The following GLIS3 variants were observed in gnomAD, a reference collection of about 807,000 sequenced individuals.
GLIS3 encodes GLIS family zinc finger 3.
GLIS3 carries 53 observed loss-of-function variants against 78.6 expected under a neutral mutation model. The observed-to-expected ratio is 0.67, with a 90% CI of 0.54 to 0.85. GLIS3 has a LOEUF of 0.85. Ranked by LOEUF, GLIS3 falls within the 40% of genes least tolerant of loss-of-function variation. GLIS3 has a pLI of 0.00. For missense variants in GLIS3, 1,703 were observed against 1,231.1 expected, an observed-to-expected ratio of 1.38 and a Z score of -5.74; for synonymous variants, 684 against 509.9, an observed-to-expected ratio of 1.34 and a Z score of -4.60.
chr9:4,379,140 G>C, the GLIS3 span, among the ~76,000 whole-genome samples: 1 of 152,116 alleles, frequency 6.6e-6, no homozygotes, highest in African/African-American at 2.4e-5. Flanking sequence ...CGGATATGTT[G>C]TCCAGCGCCC....
At chr9:4,459,453 A>G in the GLIS3 span, among the ~76,000 whole-genome samples, 2 of 152,224 alleles carry the variant, frequency 1.3e-5, no homozygotes, top group South Asian at 2.1e-4. Context: ...GTGGTATCCC[A>G]GAAAGCAGAT....
intron 2 of GLIS3, among the ~76,000 whole-genome samples, chr9:4,182,708 T>C (rs771416066): frequency 6.6e-5 from 10 of 152,164 alleles, no homozygotes; most frequent in South Asian, 4.1e-4. Context: ...CAAGATAATA[T>C]ATGAGATCAT....
rs35772221 is a variant in GLIS3 at position 3,962,944 on chromosome 9, T to A, written c.1711-25755A>T. Among the ~76,000 whole-genome samples, 716 of 89,236 alleles carry A rather than the reference T, an allele frequency of 8.0e-3. 5 individuals are homozygous for A. Among genetic ancestry groups the A allele is most frequent in the Middle Eastern group, 0.039 (6 of 154 alleles). 58.5% of individuals were successfully genotyped at this position (89,236 alleles called of 152,430 possible). ...ATGTCCAACAAGATCTGCTGTGATTTAAGGGGGGGGGGGGGAGAGAGATTT... is the reference window on the plus strand; with the variant it reads ...ATGTCCAACAAGATCTGCTGTGATTAAAGGGGGGGGGGGGGAGAGAGATTT... On this transcript the variant is annotated intron_variant, in intron 4 of 10. Transcript: ENST00000381971.
At chr9:4,245,372 G>T (rs944985491) in intron 2 of GLIS3, among the ~76,000 whole-genome samples, 5 of 152,100 alleles carry the variant, frequency 3.3e-5, no homozygotes, top group African/African-American at 9.7e-5. Context: ...CCCAAATTCG[G>T]GTGCGAACTC....
rs190964489 is a variant in GLIS3 at position 4,064,640 on chromosome 9, A to T, written c.1710+53128T>A. On this transcript the variant is annotated intron_variant, in intron 4 of 10. Coordinates refer to ENST00000381971, the MANE Select transcript of GLIS3 (RefSeq NM_001042413.2). Reference sequence around the variant, plus strand: ...CCTTGTGTCTACTAAAAATATTATTAAAAAAATGCCTGGTGTTGTGGCGCA... The same window carrying T: ...CCTTGTGTCTACTAAAAATATTATTTAAAAAATGCCTGGTGTTGTGGCGCA... 3.7e-3 allele frequency among the ~76,000 whole-genome samples: 562 copies of T among 152,208 alleles called. 1 individual carries two copies. The highest frequency in any genetic ancestry group is 0.012 in the African/African-American group (508 of 41,542).
rs918151611 is a variant in GLIS3, at chr9:4,322,805, A to G, written n.265-12277T>C. Among the ~76,000 whole-genome samples the G allele has an allele frequency of 3.9e-5, 6 of 152,252 alleles. No homozygotes were observed. The South Asian group carries it at 1.0e-3, about 26-fold the overall frequency. The stretch of plus-strand genomic sequence containing the variant: ...TGTTTAAGTTCTTTGTAGATTTTGA[A>G]TATTAGCCCTGTGTCAGATGGGTAG... On this transcript the variant is annotated intron_variant and non_coding_transcript_variant, in intron 2 of 4. Transcript: ENST00000471664.
intron 2 of GLIS3, among the ~76,000 whole-genome samples, chr9:4,264,921 C>A (rs541403492): frequency 6.6e-6 from 1 of 151,876 alleles, no homozygotes; most frequent in African/African-American, 2.4e-5. Flanking sequence ...AATCCCAGCA[C>A]GGTGGGATGC....
intron 9 of GLIS3, among the ~76,000 whole-genome samples, chr9:3,852,681 A>G (rs372704202): frequency 1.7e-4 from 26 of 152,302 alleles, no homozygotes; most frequent in African/African-American, 5.5e-4. Context: ...ATTTCAGAAA[A>G]TGCTTGGAGA....
chr9:4,198,267 A>G (rs34493474), intron 2 of GLIS3, among the ~76,000 whole-genome samples: 15,009 of 152,282 alleles, frequency 0.099, 921 homozygotes, highest in Middle Eastern at 0.17. Flanking sequence ...TTGTAAGGCA[A>G]TCCAGGAAAT....
the GLIS3 span, among the ~76,000 whole-genome samples, chr9:4,448,981 C>T: frequency 6.6e-6 from 1 of 151,942 alleles, no homozygotes; most frequent in African/African-American, 2.4e-5. Context: ...ACAGTGGGTG[C>T]AGCCTATGGA....
chr9:4,076,470 TTTTC>T (rs1828063848), intron 4 of GLIS3, among the ~76,000 whole-genome samples: 1 of 152,182 alleles, frequency 6.6e-6, no homozygotes, highest in South Asian at 2.1e-4. Flanking sequence ...CCACATTAAT[TTTTC>T]TTTCTTACAA....
chr9:4,270,990 ATAAAT>A (rs1223357744), intron 2 of GLIS3, among the ~76,000 whole-genome samples: 4 of 151,908 alleles, frequency 2.6e-5, no homozygotes, highest in Non-Finnish European at 5.9e-5. Context: ...TCACTTAAAT[ATAAAT>A]TATTCTGCCT....
At chr9:3,939,821 C>A (rs957927214) in intron 4 of GLIS3, among the ~76,000 whole-genome samples, 3 of 152,190 alleles carry the variant, frequency 2.0e-5, no homozygotes, top group Non-Finnish European at 4.4e-5. Flanking sequence ...ACCCCCAACT[C>A]ACTCTTGTTG....
At chr9:4,446,597 C>T in the GLIS3 span, among the ~76,000 whole-genome samples, 6 of 150,584 alleles carry the variant, frequency 4.0e-5, no homozygotes, top group Non-Finnish European at 7.4e-5. Context: ...GCAACCTCCA[C>T]CTCCTGGGTT....
At chr9:4,459,147 G>A in the GLIS3 span, among the ~76,000 whole-genome samples, 1 of 152,288 alleles carries the variant, frequency 6.6e-6, no homozygotes, top group East Asian at 1.9e-4. Context: ...GACTATTTAG[G>A]AGACCATTGA....
intron 2 of GLIS3, among the ~76,000 whole-genome samples, chr9:4,226,811 A>C (rs551327626): frequency 6.6e-6 from 1 of 152,330 alleles, no homozygotes; most frequent in South Asian, 2.1e-4. Context: ...CGAAAAAGAC[A>C]GTGGATGCAA....
the GLIS3 span, among the ~76,000 whole-genome samples, chr9:4,451,579 A>G: frequency 1.3e-5 from 2 of 152,136 alleles, no homozygotes; most frequent in African/African-American, 4.8e-5. Flanking sequence ...CTTACCCCAA[A>G]ATTGACCACA....
At chr9:3,893,416 T>G (rs1486479340) in intron 7 of GLIS3, among the ~76,000 whole-genome samples, 3 of 152,228 alleles carry the variant, frequency 2.0e-5, no homozygotes, top group Admixed American at 6.5e-5. Context: ...AGATGAGCCC[T>G]GTGCTGGCTG....
intron 8 of GLIS3, among the ~76,000 whole-genome samples, chr9:3,876,208 C>T (rs545770000): frequency 6.6e-6 from 1 of 152,106 alleles, no homozygotes; most frequent in Non-Finnish European, 1.5e-5. Flanking sequence ...AACCCTGGAA[C>T]ACTGTGTAAA....
Sources: allele counts gnomAD v4.1 joint callset (sites outside exome capture counted in the v4.1 genomes callset), GRCh38; gene constraint gnomAD v4.1.1; transcripts MANE v1.5; gene names NCBI Gene and HGNC (gene_info 2026-07-23, HGNC 2026-07-21).